NDST3: variants seen among roughly 807,000 people sequenced by gnomAD.
The protein encoded by NDST3 is N-deacetylase and N-sulfotransferase 3.
NDST3 carries 58 observed loss-of-function variants against 96.1 expected under a neutral mutation model. The ratio of observed to expected loss-of-function variants is 0.60; its 90% CI spans 0.49 to 0.75. NDST3 has a LOEUF of 0.75. Among genes scored for constraint, NDST3 ranks in the 30% least tolerant of loss-of-function variants. The pLI is 0.00. For missense variants in NDST3, 788 were observed against 1,034.2 expected (o/e 0.76, Z 3.27); for synonymous variants, 333 against 359.7 (o/e 0.93, Z 0.84).
intron 6 of NDST3, 33 bp from the exon 7 acceptor site, chr4:118,224,458 T>A (rs763604330): frequency 1.3e-6 from 2 of 1,565,860 alleles, no homozygotes; most frequent in Admixed American, 3.5e-5. Flanking sequence ...AAAATAAATG[T>A]TATTTACACT....
At chr4:118,161,778 C>T (rs1012532937) in intron 6 of NDST3, among the ~76,000 whole-genome samples, 1 of 152,160 alleles carries the variant, frequency 6.6e-6, no homozygotes, top group South Asian at 2.1e-4. Flanking sequence ...CATCTGTCAA[C>T]CCTTTCTTTG....
At chr4:118,090,096 T>C (rs1728743753) in intron 2 of NDST3, among the ~76,000 whole-genome samples, 1 of 151,942 alleles carries the variant, frequency 6.6e-6, no homozygotes, top group Admixed American at 6.6e-5. Flanking sequence ...AAGGACCATC[T>C]GATCCTCACG....
intron 6 of NDST3, among the ~76,000 whole-genome samples, chr4:118,150,237 C>T (rs1357456951): frequency 6.6e-6 from 1 of 152,132 alleles, no homozygotes; most frequent in African/African-American, 2.4e-5. Flanking sequence ...TGTGTCTCTG[C>T]CCGGCTTTGG....
chr4:118,043,987 A>G (rs1724611999), intron 1 of NDST3, among the ~76,000 whole-genome samples: 2 of 152,232 alleles, frequency 1.3e-5, no homozygotes, highest in African/African-American at 2.4e-5. Flanking sequence ...AGCATTTTAT[A>G]ATGGCTTACA....
chr4:118,069,794 T>C (rs932629892), intron 2 of NDST3, among the ~76,000 whole-genome samples: 3 of 110,330 alleles, frequency 2.7e-5, no homozygotes, highest in African/African-American at 8.1e-5. Context: ...TCGTTTTCCA[T>C]TGGAGTGTTT....
Position 118,092,131 on chromosome 4 carries a change from T to C in NDST3, c.982-12887T>C, listed in dbSNP as rs545163636. ...ACAATGTGCAGGTTTGTCACATATG[T>C]ATACATGTGCCATGTTGGTGTGCTG... On this transcript the variant is annotated intron_variant, in intron 2 of 13. Coordinates refer to ENST00000296499, the MANE Select transcript of NDST3 (RefSeq NM_004784.3). Among the ~76,000 whole-genome samples the C allele has an allele frequency of 3.3e-5, 5 of 151,634 alleles. No homozygotes were observed. The East Asian group carries it at 9.7e-4, about 29-fold the overall frequency.
chr4:118,203,666 G>A (rs1357406463), intron 6 of NDST3, among the ~76,000 whole-genome samples: 1 of 152,084 alleles, frequency 6.6e-6, no homozygotes, highest in African/African-American at 2.4e-5. Context: ...ATGTTCCATT[G>A]TAATTTTAAA....
intron 6 of NDST3, among the ~76,000 whole-genome samples, chr4:118,222,068 G>C (rs1739584822): frequency 1.3e-5 from 2 of 150,430 alleles, no homozygotes; most frequent in Non-Finnish European, 3.0e-5. Flanking sequence ...TTTAGGAAAA[G>C]ACTAATATCT....
At chr4:118,191,725 C>G (rs1737319907) in intron 6 of NDST3, among the ~76,000 whole-genome samples, 1 of 152,142 alleles carries the variant, frequency 6.6e-6, no homozygotes, top group Non-Finnish European at 1.5e-5. Context: ...CAATTATGCT[C>G]TTTTAGTAAT....
chr4:118,035,204 T>A (rs1724080033), intron 1 of NDST3, among the ~76,000 whole-genome samples: 1 of 152,170 alleles, frequency 6.6e-6, no homozygotes. Context: ...TCAAATAGTT[T>A]TTCTAATAGC....
intron 1 of NDST3, among the ~76,000 whole-genome samples, chr4:118,046,515 C>T (rs1481732428): frequency 6.6e-6 from 1 of 151,476 alleles, no homozygotes; most frequent in South Asian, 2.1e-4. Flanking sequence ...AGCCTGCCAG[C>T]CCCTCTCAGG....
intron 6 of NDST3, among the ~76,000 whole-genome samples, chr4:118,159,396 A>C (rs1308353055): frequency 6.6e-6 from 1 of 152,222 alleles, no homozygotes; most frequent in Non-Finnish European, 1.5e-5. Flanking sequence ...GTATCCACAG[A>C]CTAGAGGTGA....
At chr4:118,150,258 A>T (rs1734293666) in intron 6 of NDST3, among the ~76,000 whole-genome samples, 1 of 152,180 alleles carries the variant, frequency 6.6e-6, no homozygotes, top group Non-Finnish European at 1.5e-5. Flanking sequence ...TATCAGCATG[A>T]TGCTGGCCTC....
chr4:118,039,232 G>A (rs567493759), intron 1 of NDST3, among the ~76,000 whole-genome samples: 1 of 152,276 alleles, frequency 6.6e-6, no homozygotes, highest in South Asian at 2.1e-4. Context: ...TTCTGGATAT[G>A]CCTGATTTAT....
intron 6 of NDST3, among the ~76,000 whole-genome samples, chr4:118,185,873 A>T (rs1282041573): frequency 2.0e-5 from 3 of 152,200 alleles, no homozygotes; most frequent in Non-Finnish European, 4.4e-5. Context: ...CTGCACTTAA[A>T]GTATGTAAGG....
At chr4:118,112,135 C>T (rs778212508) in intron 3 of NDST3, among the ~76,000 whole-genome samples, 1 of 151,108 alleles carries the variant, frequency 6.6e-6, no homozygotes. Flanking sequence ...TGTCAGAAGG[C>T]AGATATCATT....
At chr4:118,200,955 A>G (rs377409015) in intron 6 of NDST3, among the ~76,000 whole-genome samples, 1 of 152,144 alleles carries the variant, frequency 6.6e-6, no homozygotes, top group East Asian at 1.9e-4. Context: ...AAGCTCGAGT[A>G]GTCCACAGTG....
At chr4:118,041,569 G>C (rs1724467355) in intron 1 of NDST3, among the ~76,000 whole-genome samples, 1 of 152,044 alleles carries the variant, frequency 6.6e-6, no homozygotes, top group African/African-American at 2.4e-5. Flanking sequence ...GGTTGAATTC[G>C]GAGCAGAATT....
intron 6 of NDST3, among the ~76,000 whole-genome samples, chr4:118,208,806 T>C (rs1738605438): frequency 6.9e-6 from 1 of 144,780 alleles, no homozygotes; most frequent in Admixed American, 6.8e-5. Context: ...AATAAATAAA[T>C]TTTTTAAAAC....
Sources: allele counts gnomAD v4.1 joint callset (sites outside exome capture counted in the v4.1 genomes callset), GRCh38; gene constraint gnomAD v4.1.1; transcripts MANE v1.5; gene names NCBI Gene and HGNC (gene_info 2026-07-23, HGNC 2026-07-21).